Variants in CUL4A observed in about 807,000 individuals in gnomAD.
CUL4A encodes cullin 4A, also known as cullin-4A.
In CUL4A, 16 loss-of-function variants were observed where a neutral mutation model predicts 95.5. That is an observed-to-expected ratio of 0.17 (90% CI 0.11 to 0.25). CUL4A has a LOEUF of 0.25. Ranked by LOEUF, CUL4A falls within the 10% of genes least tolerant of loss-of-function variation. The pLI, the probability that CUL4A is intolerant of heterozygous loss-of-function variation, is 1.00. For synonymous variants in CUL4A, 380 were observed against 353.1 expected (o/e 1.08, Z -0.85); for missense variants, 610 against 937.0 (o/e 0.65, Z 4.56).
chr13:113,214,127 C>T (rs568258742), intron 2 of CUL4A, among the ~76,000 whole-genome samples: 14 of 152,276 alleles, frequency 9.2e-5, no homozygotes, highest in African/African-American at 2.6e-4. Flanking sequence ...GGTTTGGTTT[C>T]GTGTTTGGTT....
chr13:113,262,320 C>T (rs144943234), intron 19 of CUL4A, among the ~76,000 whole-genome samples: 1,658 of 152,296 alleles, frequency 0.011, 12 homozygotes, highest in Non-Finnish European at 0.018. Flanking sequence ...GTTTCACTTA[C>T]GTGGACATGG....
chr13:113,254,739 T>A lies in CUL4A; in HGVS notation c.1799T>A (p.Leu600His). 1 of 1,613,184 alleles carries A rather than the reference T, an allele frequency of 6.2e-7. No homozygotes were observed. Among genetic ancestry groups the A allele is most frequent in the Non-Finnish European group, 8.5e-7 (1 of 1,179,778 alleles). ...TCCCTCTTCCAGACACTGGTGCTCCTCATGTTCAACGAGGGAGATGGCTTC... is the reference window on the plus strand; with the variant it reads ...TCCCTCTTCCAGACACTGGTGCTCCACATGTTCAACGAGGGAGATGGCTTC... ...QVSLFQTLVL[L>H]MFNEGDGFSF... Residue 600 changes from leucine to histidine, a missense_variant, in exon 17 of 20, where the codon CTC becomes CAC. Physicochemically the swap from Leu to His is moderately conservative, Grantham distance 99. Coordinates refer to ENST00000375440, the MANE Select transcript of CUL4A (RefSeq NM_001008895.4).
chr13:113,236,052 A>C (rs1311079525), intron 8 of CUL4A, among the ~76,000 whole-genome samples: 1 of 152,164 alleles, frequency 6.6e-6, no homozygotes, highest in Non-Finnish European at 1.5e-5. Context: ...TGTGCAGAAC[A>C]GGACTTGGTA....
intron 5 of CUL4A, 81 bp downstream of exon 5, chr13:113,229,600 A>G (rs2041236468): frequency 8.6e-7 from 1 of 1,164,372 alleles, no homozygotes; most frequent in Non-Finnish European, 1.3e-6. Flanking sequence ...GCAGGCTAAG[A>G]TGGTAAAGTG....
intron 3 of CUL4A, among the ~76,000 whole-genome samples, chr13:113,222,952 A>G (rs900092374): frequency 6.6e-6 from 1 of 152,176 alleles, no homozygotes; most frequent in Non-Finnish European, 1.5e-5. Context: ...GGCTGCTGTC[A>G]GGAAGATGAG....
At chr13:113,216,379 C>T (rs2040693461) in intron 2 of CUL4A, among the ~76,000 whole-genome samples, 1 of 152,224 alleles carries the variant, frequency 6.6e-6, no homozygotes, top group Admixed American at 6.5e-5. Context: ...ACACACGTGT[C>T]TGTTGAGCTA....
At chr13:113,218,705 G>A (rs543508798) in intron 2 of CUL4A, among the ~76,000 whole-genome samples, 32 of 152,222 alleles carry the variant, frequency 2.1e-4, no homozygotes, top group African/African-American at 6.8e-4. Context: ...CAGGTGCAAT[G>A]TGCCCACATT....
chr13:113,227,389 C>G (rs546673966), intron 3 of CUL4A, among the ~76,000 whole-genome samples: 28 of 152,316 alleles, frequency 1.8e-4, no homozygotes, highest in African/African-American at 6.7e-4. Context: ...CAGGGGAGCT[C>G]TCTGGGGTCT....
Position 113,245,135 on chromosome 13 carries a change from TC to T in CUL4A, c.1445-15del. On this transcript the variant is annotated splice_polypyrimidine_tract_variant and intron_variant, in intron 13 of 19. Coordinates refer to ENST00000375440, the MANE Select transcript of CUL4A (RefSeq NM_001008895.4). ...CGTGTGTTACCCCGATCTCACTCCC[TC>T]CTTTGCTGTGTCCAGAGTGCGGTGC... 2 of 1,613,938 alleles carry T rather than the reference TC, an allele frequency of 1.2e-6. No individual in the cohort carries two copies. Among genetic ancestry groups the T allele is most frequent in the Non-Finnish European group, 1.7e-6 (2 of 1,179,800 alleles).
intron 14 of CUL4A, among the ~76,000 whole-genome samples, chr13:113,245,516 C>T (rs1430247879): frequency 6.6e-6 from 1 of 152,176 alleles, no homozygotes; most frequent in African/African-American, 2.4e-5. Flanking sequence ...CACCACTGCG[C>T]TCCAGCCTGG....
intron 15 of CUL4A, among the ~76,000 whole-genome samples, chr13:113,247,080 CGA>C (rs960073859): frequency 6.6e-6 from 1 of 151,960 alleles, no homozygotes; most frequent in African/African-American, 2.4e-5. Flanking sequence ...GGGGAGTAGG[CGA>C]GAGAGAGGGC....
intron 10 of CUL4A, among the ~76,000 whole-genome samples, chr13:113,242,670 C>G (rs2139230450): frequency 6.6e-6 from 1 of 152,230 alleles, no homozygotes; most frequent in Non-Finnish European, 1.5e-5. Flanking sequence ...CCTGTAGCAC[C>G]AGCTACTCAG....
intron 15 of CUL4A, among the ~76,000 whole-genome samples, chr13:113,251,310 G>A (rs2041989196): frequency 6.6e-6 from 1 of 152,224 alleles, no homozygotes; most frequent in Admixed American, 6.5e-5. Flanking sequence ...GGATGAGAAT[G>A]TATGAAAGAC....
chr13:113,232,976 G>A (rs937537390), intron 5 of CUL4A, among the ~76,000 whole-genome samples: 6 of 152,208 alleles, frequency 3.9e-5, no homozygotes, highest in African/African-American at 1.4e-4. Context: ...ACGTGGAGCA[G>A]CTCTGTTTAA....
At chr13:113,210,982 T>C (rs1173375198) in intron 2 of CUL4A, among the ~76,000 whole-genome samples, 1 of 152,148 alleles carries the variant, frequency 6.6e-6, no homozygotes, top group African/African-American at 2.4e-5. Flanking sequence ...TGAGATAGAG[T>C]CTACATATAA....
At chr13:113,212,429 T>C (rs1292779426) in intron 2 of CUL4A, among the ~76,000 whole-genome samples, 2 of 152,216 alleles carry the variant, frequency 1.3e-5, no homozygotes, top group Admixed American at 1.3e-4. Context: ...GAGTTTTAGG[T>C]TTTACATCTA....
chr13:113,215,497 T>G (rs1045393841), intron 2 of CUL4A, among the ~76,000 whole-genome samples: 1 of 147,742 alleles, frequency 6.8e-6, no homozygotes, highest in African/African-American at 2.5e-5. Context: ...TGGAGGTTGT[T>G]GTGTGACTAT....
In CUL4A at chr13:113,256,926, GTTTTTTTT is replaced by G. The variant is rs951070829; in HGVS notation, c.2031+1817_2031+1824del. Among the ~76,000 whole-genome samples the G allele has an allele frequency of 1.3e-4, 6 of 47,386 alleles. No individual in the cohort carries two copies. In the East Asian group the frequency reaches 3.7e-3, roughly 29 times the overall value. The allele number at this position is 47,386 out of a possible 152,430, so 31.1% of individuals were successfully genotyped here. ...AATGCTTTGTCCCTTTTTTTTTTTC[GTTTTTTTT>G]TTTTTTTTTTTTTTTGCATTTCACT... On this transcript the variant is annotated intron_variant, in intron 18 of 19. Transcript: ENST00000375440.
intron 10 of CUL4A, among the ~76,000 whole-genome samples, chr13:113,242,727 A>C (rs902862478): frequency 1.3e-5 from 2 of 152,190 alleles, no homozygotes; most frequent in Non-Finnish European, 2.9e-5. Context: ...TTGAGGCTGC[A>C]GTGAACCGTG....
Sources: allele counts gnomAD v4.1 joint callset (sites outside exome capture counted in the v4.1 genomes callset), GRCh38; gene constraint gnomAD v4.1.1; transcripts MANE v1.5; gene names NCBI Gene and HGNC (gene_info 2026-07-23, HGNC 2026-07-21).